Variants in TCF4 observed in about 807,000 individuals in gnomAD.
The protein encoded by TCF4 is SL3-3 enhancer factor 2.
In TCF4, 3 loss-of-function variants were observed where a neutral mutation model predicts 82.1. That is an observed-to-expected ratio of 0.04 (90% CI 0.02 to 0.09). The LOEUF (loss-of-function observed/expected upper bound fraction) is 0.09, where lower values mean the gene tolerates loss of function less well. Ranked by LOEUF, TCF4 falls within the 10% of genes least tolerant of loss-of-function variation. TCF4 has a pLI of 1.00. For missense variants in TCF4, 518 were observed against 852.7 expected (o/e 0.61, Z 4.89); for synonymous variants, 276 against 309.6 (o/e 0.89, Z 1.14).
At chr18:55,560,464 T>C (rs1386141184) in intron 3 of TCF4, among the ~76,000 whole-genome samples, 1 of 152,216 alleles carries the variant, frequency 6.6e-6, no homozygotes, top group Non-Finnish European at 1.5e-5. Context: ...GTAGGTCCTT[T>C]GAGGAGCACC....
At chr18:55,402,163 GCACTGTT>G (rs2093859012) in intron 6 of TCF4, 1 of 985,298 alleles carries the variant, frequency 1.0e-6, no homozygotes, top group African/African-American at 1.7e-5. Context: ...TCTTAACCAA[GCACTGTT>G]CACCTCAATG....
At chr18:55,613,772 C>T (rs746400520) in intron 2 of TCF4, among the ~76,000 whole-genome samples, 61 of 152,138 alleles carry the variant, frequency 4.0e-4, no homozygotes, top group Non-Finnish European at 4.3e-4. Flanking sequence ...CCAAACGCCT[C>T]CCACCAAATC....
At chr18:55,345,013 A>G (rs2080859485) in intron 8 of TCF4, among the ~76,000 whole-genome samples, 1 of 152,162 alleles carries the variant, frequency 6.6e-6, no homozygotes, top group Admixed American at 6.6e-5. Context: ...TTCAAGGCAG[A>G]GAAGAGGAGG....
chr18:55,464,261 C>T (rs540291606), intron 3 of TCF4, 124 bp from the exon 4 acceptor site: 2 of 809,940 alleles, frequency 2.5e-6, no homozygotes, highest in South Asian at 1.4e-5. Flanking sequence ...AGGCACCGGG[C>T]TACCATGATG....
At chr18:55,539,626 G>A (rs759013615) in intron 3 of TCF4, among the ~76,000 whole-genome samples, 1 of 152,084 alleles carries the variant, frequency 6.6e-6, no homozygotes, top group African/African-American at 2.4e-5. Context: ...CTTATCCACT[G>A]TGGACAAGTC....
chr18:55,592,280 C>T (rs759169649), upstream of TCF4, among the ~76,000 whole-genome samples: 7 of 152,166 alleles, frequency 4.6e-5, no homozygotes, highest in Non-Finnish European at 1.0e-4. Flanking sequence ...GACTGGGTGA[C>T]TTCAACAGCA....
intron 8 of TCF4, chr18:55,302,724 C>G (rs1184209619): frequency 8.8e-6 from 9 of 1,018,514 alleles, no homozygotes; most frequent in African/African-American, 3.3e-5. Flanking sequence ...GGAGGTGGGA[C>G]AAGCCCAGCC....
intron 2 of TCF4, among the ~76,000 whole-genome samples, chr18:55,623,866 A>G (rs911729879): frequency 2.5e-4 from 38 of 152,274 alleles, no homozygotes; most frequent in African/African-American, 8.9e-4. Context: ...GACTATTTCA[A>G]TGAGAGAGAT....
intron 3 of TCF4, among the ~76,000 whole-genome samples, chr18:55,574,485 C>T (rs1209837974): frequency 1.3e-5 from 2 of 152,136 alleles, no homozygotes; most frequent in African/African-American, 4.8e-5. Context: ...CCACCACGCC[C>T]AGCTAATTTT....
chr18:55,259,781 G>C (rs1318891415), intron 13 of TCF4, 168 bp downstream of exon 13: 1 of 643,548 alleles, frequency 1.6e-6, no homozygotes, highest in East Asian at 2.7e-5. Context: ...CGACTATACT[G>C]TTATCTGGTA....
chr18:55,613,167 GAT>G lies in TCF4; in HGVS notation c.286+18129_286+18130del, dbSNP rs112390990. 6.7e-3 allele frequency among the ~76,000 whole-genome samples: 1,011 copies of G among 150,494 alleles called. 9 individuals carry two copies. The highest frequency in any genetic ancestry group is 9.3e-3 in the African/African-American group (382 of 41,046). ...TTAAGTGTACAATTTAATATGCTTT[GAT>G]ATATATATATATGCCCATGAATAAG... is the stretch of plus-strand genomic sequence containing the variant. On this transcript the variant is annotated intron_variant, in intron 2 of 20. Transcript: ENST00000398339.
At chr18:55,365,156 A>T (rs866579246) in intron 6 of TCF4, among the ~76,000 whole-genome samples, 2 of 83,538 alleles carry the variant, frequency 2.4e-5, no homozygotes, top group Non-Finnish European at 4.4e-5. Context: ...CCATCTCCAA[A>T]ATATATATAT....
chr18:55,248,396 A>G (rs1002090986), intron 15 of TCF4, among the ~76,000 whole-genome samples: 1 of 152,252 alleles, frequency 6.6e-6, no homozygotes, highest in South Asian at 2.1e-4. Flanking sequence ...GAAGATGCTG[A>G]TGCCTCTGTT....
chr18:55,351,937 A>C, intron 6 of TCF4: 1 of 811,450 alleles, frequency 1.2e-6, no homozygotes, highest in Non-Finnish European at 1.5e-6. Flanking sequence ...TTTAAAATTA[A>C]GTACTAAAAA....
intron 3 of TCF4, among the ~76,000 whole-genome samples, chr18:55,581,096 C>G (rs2097571319): frequency 6.6e-6 from 1 of 151,926 alleles, no homozygotes; most frequent in African/African-American, 2.4e-5. Context: ...CAAAATTCAG[C>G]TCCAAACCTA....
In TCF4 at chr18:55,625,020, A is replaced by C. The variant is rs565723694; in HGVS notation, c.286+6278T>G. ...AAAGTACTACAGATTGTTTCTAGAA[A>C]TTATGACCATAGAGATAAATATTTT... On this transcript the variant is annotated intron_variant, in intron 2 of 20. Transcript: ENST00000398339. 1.2e-3 allele frequency among the ~76,000 whole-genome samples: 183 copies of C among 152,286 alleles called. No homozygotes were observed. The Middle Eastern group carries it at 0.024, about 20-fold the overall frequency.
intron 2 of TCF4, among the ~76,000 whole-genome samples, chr18:55,607,381 T>TGTGTATAAG (rs978983866): frequency 1.3e-5 from 2 of 152,192 alleles, no homozygotes; most frequent in Non-Finnish European, 2.9e-5. Context: ...GAGAAAAAGG[T>TGTGTATAAG]GTGTATAAGG....
At chr18:55,606,350 C>T (rs2097702224) in intron 2 of TCF4, among the ~76,000 whole-genome samples, 1 of 152,026 alleles carries the variant, frequency 6.6e-6, no homozygotes, top group Admixed American at 6.6e-5. Context: ...GCTCTTTTAC[C>T]CCTTTCTGTT....
chr18:55,490,900 T>C (rs2924334), intron 3 of TCF4, among the ~76,000 whole-genome samples: 241 of 152,268 alleles, frequency 1.6e-3, no homozygotes, highest in African/African-American at 5.7e-3. Flanking sequence ...AGAATGCTAT[T>C]TAGTTGAGAG....
Sources: gnomAD v4.1 joint callset for allele counts (sites outside exome capture counted in the v4.1 genomes callset) on GRCh38, gnomAD v4.1.1 for gene constraint, MANE v1.5 for transcripts, NCBI Gene and HGNC (gene_info 2026-07-23, HGNC 2026-07-21) for gene names.